SPHKAP: variants seen among roughly 807,000 people sequenced by gnomAD.
SPHKAP encodes the protein SPHK1 interactor, AKAP domain containing.
A neutral mutation model predicts 137.5 loss-of-function variants in SPHKAP; 67 were observed. The ratio of observed to expected loss-of-function variants is 0.49; its 90% CI spans 0.40 to 0.60. The LOEUF is 0.60. Among genes scored for constraint, SPHKAP ranks in the 20% least tolerant of loss-of-function variants. SPHKAP has a pLI of 0.00. For missense variants in SPHKAP, 2,097 were observed against 2,069.3 expected (o/e 1.01, Z -0.26); for synonymous variants, 813 against 785.3 (o/e 1.04, Z -0.59).
At position 228,149,995 on chromosome 2, in the gene SPHKAP, T is replaced by C. The variant is rs183926882; in HGVS notation, c.33-17910A>G. Among the ~76,000 whole-genome samples, 7 of 152,306 alleles carry C rather than the reference T, an allele frequency of 4.6e-5. No individual in the cohort carries two copies. In the East Asian group the frequency reaches 1.4e-3, roughly 29 times the overall value. On this transcript the variant is annotated intron_variant, in intron 1 of 11. Coordinates refer to ENST00000392056, the MANE Select transcript of SPHKAP (RefSeq NM_001142644.2). ...TTGAATAGAGTAATGCAAAAATCCTTAAAGTTACACCACCATGTATTATGC... is the reference window on the plus strand; with the variant it reads ...TTGAATAGAGTAATGCAAAAATCCTCAAAGTTACACCACCATGTATTATGC...
chr2:228,088,913 A>T (rs1458312604), intron 3 of SPHKAP, among the ~76,000 whole-genome samples: 1 of 152,180 alleles, frequency 6.6e-6, no homozygotes, highest in Non-Finnish European at 1.5e-5. Flanking sequence ...TTTATAAATT[A>T]CCTAGTCTCA....
chr2:228,163,961 C>A (rs1358919400), intron 1 of SPHKAP, among the ~76,000 whole-genome samples: 11 of 151,910 alleles, frequency 7.2e-5, no homozygotes, highest in African/African-American at 2.7e-4. Flanking sequence ...CTTGGGTGTG[C>A]CTGTGAGGGT....
intron 2 of SPHKAP, chr2:228,131,310 C>T (rs181354572): frequency 0.014 from 13,466 of 984,846 alleles, 99 homozygotes; most frequent in Non-Finnish European, 0.015. Flanking sequence ...GAAACATATA[C>T]TTCCCTGGAA....
In SPHKAP at chr2:228,036,481, C is replaced by T. The variant is rs181931719; in HGVS notation, c.247-8938G>A. Among the ~76,000 whole-genome samples, 116 of 152,294 alleles carry T rather than the reference C, an allele frequency of 7.6e-4. 1 individual carries two copies. The highest frequency in any genetic ancestry group is 3.4e-3 in the Middle Eastern group (1 of 294). ...ATTGTGGAAGACAGTGTGTCCATTC[C>T]TCAGGGATCTAGAACTAGAAATACC... On this transcript the variant is annotated intron_variant, in intron 3 of 11. Coordinates refer to ENST00000392056, the MANE Select transcript of SPHKAP (RefSeq NM_001142644.2).
intron 3 of SPHKAP, among the ~76,000 whole-genome samples, chr2:228,062,030 A>G (rs891298141): frequency 3.9e-5 from 6 of 152,122 alleles, no homozygotes; most frequent in African/African-American, 1.4e-4. Context: ...AAGCAAAATC[A>G]AGGTAATATG....
Position 228,018,138 on chromosome 2 carries a change from C to A in SPHKAP, c.2716G>T (p.Asp906Tyr), listed in dbSNP as rs1233905486. 2 of 1,614,158 alleles carry A rather than the reference C, an allele frequency of 1.2e-6. No homozygotes were observed. Among genetic ancestry groups the A allele is most frequent in the South Asian group, 1.1e-5 (1 of 91,072 alleles). ...GATTGAGCAGGAAGCAGCAGGTCATCCCCTAACAAGGACAGGTTGACTTGA... is the reference window on the plus strand; with the variant it reads ...GATTGAGCAGGAAGCAGCAGGTCATACCCTAACAAGGACAGGTTGACTTGA... Reference protein sequence around the residue: ...EVQVNLSLLGDDLLLPAQSTL... With the variant: ...EVQVNLSLLGYDLLLPAQSTL... The change falls in exon 7 of 12, where the codon GAT becomes TAT. Residue 906 changes from aspartate to tyrosine, a missense_variant. Physicochemically the swap from Asp to Tyr is radical, Grantham distance 160 (BLOSUM62 -3). Coordinates refer to ENST00000392056, the MANE Select transcript of SPHKAP (RefSeq NM_001142644.2).
chr2:228,038,088 A>T (rs1284321878), intron 3 of SPHKAP, among the ~76,000 whole-genome samples: 1 of 152,216 alleles, frequency 6.6e-6, no homozygotes, highest in Non-Finnish European at 1.5e-5. Flanking sequence ...ATGTCTTCAA[A>T]GTGCTTGGTG....
chr2:228,117,097 T>A (rs2106358217), intron 2 of SPHKAP, among the ~76,000 whole-genome samples: 1 of 152,270 alleles, frequency 6.6e-6, no homozygotes, highest in Non-Finnish European at 1.5e-5. Flanking sequence ...AGGTGCATGC[T>A]TCCCACTATC....
chr2:228,166,557 A>C (rs1700428364), intron 1 of SPHKAP, among the ~76,000 whole-genome samples: 1 of 152,186 alleles, frequency 6.6e-6, no homozygotes, highest in South Asian at 2.1e-4. Context: ...TTATATAATT[A>C]ATTTTCAAGG....
intron 7 of SPHKAP, among the ~76,000 whole-genome samples, chr2:227,997,700 C>G (rs1693687211): frequency 6.6e-6 from 1 of 152,182 alleles, no homozygotes; most frequent in Non-Finnish European, 1.5e-5. Flanking sequence ...GGAGCTCTCT[C>G]CCTTGAATGG....
At chr2:228,076,098 C>CT (rs1404512688) in intron 3 of SPHKAP, among the ~76,000 whole-genome samples, 2 of 152,172 alleles carry the variant, frequency 1.3e-5, no homozygotes, top group Non-Finnish European at 1.5e-5. Flanking sequence ...CCTGCACAAG[C>CT]CCTCTTTGCC....
chr2:227,991,051 C>T lies in SPHKAP; in HGVS notation c.4908G>A (p.Leu1636=). 2 of 1,614,136 alleles carry T rather than the reference C, an allele frequency of 1.2e-6. No individual in the cohort carries two copies. The highest frequency in any genetic ancestry group is 1.1e-5 in the South Asian group (1 of 91,082). ...ATLQWIAASE[L]GIPTIYFKKS... Reference sequence around the variant, plus strand: ...TCTTAAAGTAGATGGTGGGAATCCCCAGTTCAGAGGCAGCTATCCACTGCA... The same window carrying T: ...TCTTAAAGTAGATGGTGGGAATCCCTAGTTCAGAGGCAGCTATCCACTGCA... Residue 1636 remains leucine (L), a synonymous_variant, in exon 11 of 12, where the codon CTG becomes CTA. Transcript: ENST00000392056.
intron 2 of SPHKAP, among the ~76,000 whole-genome samples, chr2:228,109,927 C>T (rs553269922): frequency 8.6e-6 from 1 of 116,222 alleles, no homozygotes; most frequent in African/African-American, 3.4e-5. Flanking sequence ...CATTGCACTC[C>T]AGCTTGGGCA....
chr2:228,164,210 C>G (rs1446992270), intron 1 of SPHKAP, among the ~76,000 whole-genome samples: 1 of 151,998 alleles, frequency 6.6e-6, no homozygotes, highest in African/African-American at 2.4e-5. Flanking sequence ...TTGGACTTAA[C>G]ACCAGTGGTT....
chr2:228,002,268 G>A (rs1693937119), intron 7 of SPHKAP, among the ~76,000 whole-genome samples: 1 of 152,158 alleles, frequency 6.6e-6, no homozygotes. Context: ...CATTCTAACT[G>A]CTGTGAGATG....
chr2:227,991,482 T>C (rs1467149234), intron 9 of SPHKAP, 156 bp from the exon 10 acceptor site: 1 of 985,314 alleles, frequency 1.0e-6, no homozygotes, highest in African/African-American at 1.7e-5. Context: ...AAAACACCAA[T>C]GTGGCTATTA....
chr2:227,999,110 T>C (rs1212349810), intron 7 of SPHKAP, among the ~76,000 whole-genome samples: 2 of 152,230 alleles, frequency 1.3e-5, no homozygotes, highest in Non-Finnish European at 2.9e-5. Context: ...TGAGTGTGAT[T>C]AAAAATCTCC....
rs936136267 is a variant in SPHKAP, at chr2:227,991,421, T to C, written c.4722-95A>G. On this transcript the variant is annotated intron_variant, in intron 9 of 11. Transcript: ENST00000392056. ...GATGGGTCTTACTGATCTAAAAGCT[T>C]CTGAAGTTCATTCTGGATTTATTGT... 1.9e-6 allele frequency: 3 copies of C among 1,599,418 alleles called. No individual in the cohort carries two copies. In the African/African-American group the frequency reaches 4.0e-5, roughly 22 times the overall value.
At chr2:228,043,901 A>G (rs1012293524) in intron 3 of SPHKAP, among the ~76,000 whole-genome samples, 1 of 152,020 alleles carries the variant, frequency 6.6e-6, no homozygotes, top group Non-Finnish European at 1.5e-5. Context: ...AGTCATACAC[A>G]TTTGCACAGA....
Sources: allele counts gnomAD v4.1 joint callset (sites outside exome capture counted in the v4.1 genomes callset), GRCh38; gene constraint gnomAD v4.1.1; transcripts MANE v1.5; gene names NCBI Gene and HGNC (gene_info 2026-07-23, HGNC 2026-07-21).